The following CCDC146 variants were observed in gnomAD, a reference collection of about 807,000 sequenced individuals.
CCDC146 encodes coiled-coil domain containing 146.
A neutral mutation model predicts 119.3 loss-of-function variants in CCDC146; 92 were observed. That is an observed-to-expected ratio of 0.77 (90% confidence interval 0.65 to 0.92). CCDC146 has a LOEUF of 0.92. Among genes scored for constraint, CCDC146 ranks in the 40% least tolerant of loss-of-function variants. CCDC146 has a pLI of 0.00. For missense variants in CCDC146, 1,000 were observed against 1,103.0 expected, an observed-to-expected ratio of 0.91 and a Z score of 1.32; for synonymous variants, 372 against 371.8, an observed-to-expected ratio of 1.00 and a Z score of -0.01.
chr7:77,241,996 T>G, intron 4 of CCDC146, 96 bp downstream of exon 4: 2 of 879,230 alleles, frequency 2.3e-6, no homozygotes, highest in Non-Finnish European at 1.8e-6. Context: ...GAGTAGGAGA[T>G]AGCAGTACGA....
At chr7:77,257,273 G>A (rs1793199157) in intron 6 of CCDC146, 1 of 152,144 alleles carries the variant, frequency 6.6e-6, no homozygotes, top group African/African-American at 2.4e-5. Flanking sequence ...TATGTTTTAG[G>A]AGATAATGAA....
chr7:77,292,267 G>A (rs56090593), intron 17 of CCDC146, among the ~76,000 whole-genome samples: 35,341 of 149,830 alleles, frequency 0.24, 4,876 homozygotes, highest in African/African-American at 0.38. Flanking sequence ...ATATACCAGT[G>A]TGAGCAACAG....
At chr7:77,149,731 C>T (rs902952806) in intron 1 of CCDC146, among the ~76,000 whole-genome samples, 47 of 151,068 alleles carry the variant, frequency 3.1e-4, no homozygotes, top group Non-Finnish European at 5.9e-4. Context: ...TGTGTCACTG[C>T]ACTCCAGCCT....
intron 7 of CCDC146, among the ~76,000 whole-genome samples, chr7:77,259,731 G>A (rs574049892): frequency 5.3e-5 from 8 of 152,280 alleles, no homozygotes; most frequent in African/African-American, 1.7e-4. Flanking sequence ...TTGAATCACA[G>A]GAGATGGTAG....
In CCDC146 at chr7:77,262,112, C is replaced by T; in HGVS notation, c.987-9C>T. ...AATCATTTTCTTCTTCTTCCTTTAC[C>T]TGGAACAGAGGGATCTTGGATCTCA... On this transcript the variant is annotated splice_polypyrimidine_tract_variant and intron_variant, in intron 8 of 18. Transcript: ENST00000285871. The T allele has an allele frequency of 6.3e-7, 1 of 1,575,230 alleles. No homozygotes were observed. The highest frequency in any genetic ancestry group is 1.7e-4 in the Middle Eastern group (1 of 5,808).
At chr7:77,124,811 G>A (rs897284569) in intron 1 of CCDC146, among the ~76,000 whole-genome samples, 7 of 152,170 alleles carry the variant, frequency 4.6e-5, no homozygotes, top group Non-Finnish European at 8.8e-5. Flanking sequence ...CAGAAATTGT[G>A]CTTTTGGGGA....
intron 2 of CCDC146, among the ~76,000 whole-genome samples, chr7:77,220,172 T>G (rs1338131948): frequency 1.3e-5 from 2 of 152,134 alleles, no homozygotes; most frequent in South Asian, 2.1e-4. Flanking sequence ...AGAGCAGCCA[T>G]TTTAGAGGCT....
chr7:77,252,186 T>A (rs1793088490), intron 4 of CCDC146, among the ~76,000 whole-genome samples: 1 of 151,964 alleles, frequency 6.6e-6, no homozygotes, highest in African/African-American at 2.4e-5. Flanking sequence ...TAGGCATCCA[T>A]GAGACAATAA....
intron 1 of CCDC146, among the ~76,000 whole-genome samples, chr7:77,138,732 C>A (rs1342176213): frequency 2.0e-5 from 3 of 152,098 alleles, no homozygotes; most frequent in Admixed American, 2.0e-4. Flanking sequence ...AAAATCTCAC[C>A]AAAGAAGATA....
intron 17 of CCDC146, among the ~76,000 whole-genome samples, chr7:77,292,654 CCTT>C (rs1793971203): frequency 6.6e-6 from 1 of 151,526 alleles, no homozygotes; most frequent in Admixed American, 6.6e-5. Flanking sequence ...CTTCACCTCT[CCTT>C]CTTACCTCTT....
intron 2 of CCDC146, chr7:77,199,124 ACT>A: frequency 7.0e-7 from 1 of 1,432,686 alleles, no homozygotes; most frequent in Non-Finnish European, 9.5e-7. Flanking sequence ...GTTTATAGAT[ACT>A]CTCTAGCTGT....
chr7:77,293,199 A>G lies in CCDC146; in HGVS notation c.2663A>G (p.Gln888Arg). The change falls in exon 18 of 19, where the codon CAG becomes CGG. Residue 888 changes from glutamine to arginine, a missense_variant and splice_region_variant. Physicochemically the swap from Gln to Arg is conservative, Grantham distance 43 (BLOSUM62 1). Coordinates refer to ENST00000285871, the MANE Select transcript of CCDC146 (RefSeq NM_020879.3). ...MHALAIAEKS[Q>R]EFLEADNRQL... is the part of the protein sequence containing the mutation. ...GCCTTGGCCATCGCTGAAAAGTCTC[A>G]GGTAGGCTTTGGCTCCTGTATTGCA... The G allele has an allele frequency of 1.2e-6, 2 of 1,613,592 alleles. No individual in the cohort carries two copies. Among genetic ancestry groups the G allele is most frequent in the Non-Finnish European group, 1.7e-6 (2 of 1,179,912 alleles).
chr7:77,250,907 C>T (rs1156514266), intron 4 of CCDC146, among the ~76,000 whole-genome samples: 4 of 140,808 alleles, frequency 2.8e-5, no homozygotes, highest in African/African-American at 7.9e-5. Context: ...CAGCCAAGTT[C>T]GTTCTGTTAG....
In CCDC146 at chr7:77,154,305, A is replaced by C. The variant is rs150914480; in HGVS notation, c.-11-13353A>C. Among the ~76,000 whole-genome samples the C allele has an allele frequency of 5.1e-3, 778 of 152,048 alleles. 11 individuals are homozygous for C. The highest frequency in any genetic ancestry group is 0.018 in the African/African-American group (731 of 41,452). On this transcript the variant is annotated intron_variant, in intron 1 of 18. Transcript: ENST00000285871. ...AACAAAACTGAATTTTATTGCATTC[A>C]AGTTTTTTTTTTTAATTATACTTTA...
intron 1 of CCDC146, among the ~76,000 whole-genome samples, chr7:77,145,944 C>T (rs1281984308): frequency 6.6e-6 from 1 of 152,004 alleles, no homozygotes; most frequent in Non-Finnish European, 1.5e-5. Context: ...CCACTTGGTG[C>T]AGAGCTGAGT....
chr7:77,264,948 A>G (rs533536284), intron 9 of CCDC146, among the ~76,000 whole-genome samples: 1 of 152,346 alleles, frequency 6.6e-6, no homozygotes, highest in Non-Finnish European at 1.5e-5. Context: ...TTGTATTTTT[A>G]CTACTTCCAA....
intron 2 of CCDC146, among the ~76,000 whole-genome samples, chr7:77,186,140 G>GGT (rs1181683069): frequency 6.6e-6 from 1 of 151,956 alleles, no homozygotes; most frequent in African/African-American, 2.4e-5. Context: ...CCCACTGCTG[G>GGT]GTATATACCC....
At chr7:77,162,330 T>C (rs963562362) in intron 1 of CCDC146, among the ~76,000 whole-genome samples, 3 of 152,166 alleles carry the variant, frequency 2.0e-5, no homozygotes, top group African/African-American at 7.2e-5. Context: ...GTGTGTGATG[T>C]AAAACAAGGG....
At chr7:77,258,790 C>T (rs570522042) in intron 6 of CCDC146, among the ~76,000 whole-genome samples, 1 of 152,336 alleles carries the variant, frequency 6.6e-6, no homozygotes, top group South Asian at 2.1e-4. Context: ...ATTTGCTACA[C>T]TCAGTTACCT....
Sources: gnomAD v4.1 joint callset for allele counts (sites outside exome capture counted in the v4.1 genomes callset) on GRCh38, gnomAD v4.1.1 for gene constraint, MANE v1.5 for transcripts, NCBI Gene and HGNC (gene_info 2026-07-23, HGNC 2026-07-21) for gene names.